SAMSN1: variants seen among roughly 807,000 people sequenced by gnomAD.
SAMSN1 encodes SAM domain-containing protein SAMSN-1.
Under a neutral mutation model 42.0 loss-of-function variants are expected in SAMSN1, and 31 were observed. The ratio of observed to expected loss-of-function variants is 0.74; its 90% CI spans 0.55 to 1.00. The LOEUF (loss-of-function observed/expected upper bound fraction) is 1.00, where lower values mean the gene tolerates loss of function less well. Among genes scored for constraint, SAMSN1 ranks in the 50% least tolerant of loss-of-function variants. The pLI is 0.00. For synonymous variants in SAMSN1, 178 were observed against 151.9 expected, an observed-to-expected ratio of 1.17 and a Z score of -1.26; for missense variants, 464 against 439.4, an observed-to-expected ratio of 1.06 and a Z score of -0.50.
At chr21:14,593,185 A>C (rs1413222247) in intron 7 of SAMSN1, among the ~76,000 whole-genome samples, 1 of 152,160 alleles carries the variant, frequency 6.6e-6, no homozygotes, top group Non-Finnish European at 1.5e-5. Flanking sequence ...AGCTATAAAT[A>C]AAGATATCAA....
intron 2 of SAMSN1, among the ~76,000 whole-genome samples, chr21:14,564,898 A>G (rs1049053699): frequency 1.3e-5 from 2 of 152,198 alleles, no homozygotes; most frequent in African/African-American, 4.8e-5. Context: ...CATAATTTCC[A>G]AAACAGGGTT....
intron 5 of SAMSN1, among the ~76,000 whole-genome samples, chr21:14,506,072 G>A (rs1259872297): frequency 6.6e-6 from 1 of 151,940 alleles, no homozygotes; most frequent in Non-Finnish European, 1.5e-5. Flanking sequence ...CACAGCAAAG[G>A]GGGTGCTAAG....
chr21:14,655,091 A>C (rs920201707), intron 1 of SAMSN1, among the ~76,000 whole-genome samples: 4 of 151,950 alleles, frequency 2.6e-5, no homozygotes, highest in Admixed American at 2.6e-4. Context: ...TAAAGAAATA[A>C]TTTATGATGA....
At chr21:14,557,443 A>G (rs547319582) in intron 2 of SAMSN1, among the ~76,000 whole-genome samples, 102 of 152,282 alleles carry the variant, frequency 6.7e-4, no homozygotes, top group Non-Finnish European at 7.8e-4. Context: ...TTCACGCCCC[A>G]TACTTCTTCT....
intron 4 of SAMSN1, among the ~76,000 whole-genome samples, chr21:14,610,101 C>G (rs1303235378): frequency 1.3e-5 from 2 of 152,146 alleles, no homozygotes; most frequent in Admixed American, 6.5e-5. Context: ...TTTCTGGGAA[C>G]AAGGGAGATA....
intron 1 of SAMSN1, among the ~76,000 whole-genome samples, chr21:14,544,835 T>C (rs1980282446): frequency 6.6e-6 from 1 of 152,220 alleles, no homozygotes; most frequent in Non-Finnish European, 1.5e-5. Context: ...TTAAATACTC[T>C]CTCTTTAGAT....
intron 1 of SAMSN1, among the ~76,000 whole-genome samples, chr21:14,654,553 C>A (rs1039981313): frequency 1.3e-5 from 2 of 151,970 alleles, no homozygotes; most frequent in Admixed American, 1.3e-4. Flanking sequence ...AAATACAGGG[C>A]CTATGGTAGC....
intron 7 of SAMSN1, among the ~76,000 whole-genome samples, chr21:14,497,043 C>G (rs143886654): frequency 1.3e-5 from 2 of 152,306 alleles, no homozygotes; most frequent in East Asian, 3.9e-4. Context: ...TCCTCACTCT[C>G]CATCTGGGCT....
intron 5 of SAMSN1, among the ~76,000 whole-genome samples, chr21:14,607,509 A>C (rs1217968221): frequency 1.3e-5 from 2 of 152,186 alleles, no homozygotes; most frequent in Non-Finnish European, 2.9e-5. Context: ...AACTGCTACT[A>C]CTGAAATGTC....
At chr21:14,561,947 C>T (rs559817298) in intron 2 of SAMSN1, among the ~76,000 whole-genome samples, 58 of 152,058 alleles carry the variant, frequency 3.8e-4, no homozygotes, top group Non-Finnish European at 7.1e-4. Context: ...CTCCTAGAGG[C>T]TTTGAAAAGA....
intron 3 of SAMSN1, among the ~76,000 whole-genome samples, chr21:14,513,696 C>T (rs1337114639): frequency 6.6e-6 from 1 of 152,134 alleles, no homozygotes; most frequent in Non-Finnish European, 1.5e-5. Flanking sequence ...AAGACCTCTG[C>T]CATACAGTAA....
chr21:14,642,987 C>A, intron 2 of SAMSN1: 1 of 716,220 alleles, frequency 1.4e-6, no homozygotes, highest in South Asian at 1.5e-5. Flanking sequence ...CCACTCCAGT[C>A]AATGCTTCAC....
intron 2 of SAMSN1, among the ~76,000 whole-genome samples, chr21:14,624,306 A>G (rs915682358): frequency 6.6e-5 from 10 of 152,210 alleles, no homozygotes; most frequent in Non-Finnish European, 2.9e-5. Flanking sequence ...TAGAGACACA[A>G]AAAACCCTTC....
intron 2 of SAMSN1, among the ~76,000 whole-genome samples, chr21:14,577,284 A>ATATATTTTTT (rs1460040142): frequency 1.9e-5 from 1 of 53,856 alleles, no homozygotes; most frequent in African/African-American, 8.4e-5. Context: ...ATATATATAT[A>ATATATTTTTT]TTTTTTTTTT....
chr21:14,551,999 G>T (rs540400592), intron 2 of SAMSN1, among the ~76,000 whole-genome samples: 2 of 152,084 alleles, frequency 1.3e-5, no homozygotes, highest in Non-Finnish European at 2.9e-5. Context: ...TAAGGGCTAG[G>T]GGGAGGGTAA....
intron 7 of SAMSN1, among the ~76,000 whole-genome samples, chr21:14,490,875 G>T (rs1173549350): frequency 6.6e-6 from 1 of 152,096 alleles, no homozygotes; most frequent in Non-Finnish European, 1.5e-5. Context: ...CACTTCCACT[G>T]TGCTAGGAAC....
At chr21:14,538,643 G>T (rs1228406523) in intron 1 of SAMSN1, among the ~76,000 whole-genome samples, 1 of 152,086 alleles carries the variant, frequency 6.6e-6, no homozygotes, top group Non-Finnish European at 1.5e-5. Context: ...GCTCTTTAAT[G>T]GTACAACTAT....
At chr21:14,620,341 A>G (rs564589249) in intron 2 of SAMSN1, among the ~76,000 whole-genome samples, 8 of 151,828 alleles carry the variant, frequency 5.3e-5, no homozygotes, top group Non-Finnish European at 7.4e-5. Context: ...ACGAGATGTG[A>G]TGGTTTCATA....
intron 2 of SAMSN1, among the ~76,000 whole-genome samples, chr21:14,569,912 T>G (rs1428156157): frequency 6.6e-6 from 1 of 152,160 alleles, no homozygotes; most frequent in Non-Finnish European, 1.5e-5. Context: ...CTAACTTTTT[T>G]TTTTCTAAAA....
Sources: allele counts gnomAD v4.1 joint callset (sites outside exome capture counted in the v4.1 genomes callset), GRCh38; gene constraint gnomAD v4.1.1; transcripts MANE v1.5; gene names NCBI Gene and HGNC (gene_info 2026-07-23, HGNC 2026-07-21).